The following AFG1L variants were observed in gnomAD, a reference collection of about 807,000 sequenced individuals.
AFG1L encodes AFG1-like ATPase.
In AFG1L, 53 loss-of-function variants were observed where a neutral mutation model predicts 62.2. The observed-to-expected ratio is 0.85, with a 90% CI of 0.68 to 1.07. The LOEUF is 1.07. Ranked by LOEUF, AFG1L falls within the 50% of genes least tolerant of loss-of-function variation. The probability of loss-of-function intolerance (pLI) is 0.00; values close to 1 mark genes in which losing one functional copy is unlikely to be tolerated. For synonymous variants in AFG1L, 228 were observed against 210.3 expected, an observed-to-expected ratio of 1.08 and a Z score of -0.73; for missense variants, 555 against 590.5, an observed-to-expected ratio of 0.94 and a Z score of 0.62.
chr6:108,340,548 A>G lies in AFG1L; in HGVS notation c.364-6440A>G, dbSNP rs1247330762. 3.3e-5 allele frequency among the ~76,000 whole-genome samples: 5 copies of G among 152,172 alleles called. No homozygotes were observed. In the East Asian group the frequency reaches 9.6e-4, roughly 29 times the overall value. ...GCCAGCTAATATTTGTATTTTTAGTAGAGACAGGGTCTCACCATGTTGGTC... is the reference window on the plus strand; with the variant it reads ...GCCAGCTAATATTTGTATTTTTAGTGGAGACAGGGTCTCACCATGTTGGTC... On this transcript the variant is annotated intron_variant, in intron 2 of 12. Coordinates refer to ENST00000368977, the MANE Select transcript of AFG1L (RefSeq NM_145315.5).
chr6:108,417,873 G>A lies in AFG1L; in HGVS notation c.807+15819G>A, dbSNP rs1042109003. 2.0e-5 allele frequency among the ~76,000 whole-genome samples: 3 copies of A among 151,604 alleles called. No individual in the cohort carries two copies. The South Asian group carries it at 6.3e-4, about 32-fold the overall frequency. Reference sequence around the variant, plus strand: ...TTTTGAGATGGAGTCTCACTCTGTCGCCCAGGCTGGAGTGCAGTGGTGCAA... The same window carrying A: ...TTTTGAGATGGAGTCTCACTCTGTCACCCAGGCTGGAGTGCAGTGGTGCAA... On this transcript the variant is annotated intron_variant, in intron 7 of 12. Transcript: ENST00000368977.
At chr6:108,522,089 C>T (rs1392348770) in intron 12 of AFG1L, 4 of 347,042 alleles carry the variant, frequency 1.2e-5, no homozygotes, top group Non-Finnish European at 2.1e-5. Context: ...TAAGTTTTCT[C>T]TCTGATAATT....
intron 1 of AFG1L, among the ~76,000 whole-genome samples, chr6:108,297,345 T>A (rs1776801728): frequency 6.6e-6 from 1 of 151,992 alleles, no homozygotes; most frequent in Non-Finnish European, 1.5e-5. Flanking sequence ...TGACCTCAGG[T>A]GATCCGGAGC....
intron 11 of AFG1L, among the ~76,000 whole-genome samples, chr6:108,513,138 C>G (rs1489550101): frequency 6.6e-6 from 1 of 152,060 alleles, no homozygotes; most frequent in Non-Finnish European, 1.5e-5. Context: ...TATGGTGGAG[C>G]CAAGATGGCC....
intron 1 of AFG1L, among the ~76,000 whole-genome samples, chr6:108,306,944 A>G (rs1000182362): frequency 2.6e-5 from 4 of 151,746 alleles, no homozygotes; most frequent in Admixed American, 2.0e-4. Flanking sequence ...AGTTATTAAA[A>G]CAGGTCTCTC....
At chr6:108,412,975 TGGATA>T (rs1782186018) in intron 7 of AFG1L, among the ~76,000 whole-genome samples, 2 of 152,058 alleles carry the variant, frequency 1.3e-5, no homozygotes, top group African/African-American at 4.8e-5. Context: ...ACTGGCAAAT[TGGATA>T]AAGATTCAAG....
intron 10 of AFG1L, among the ~76,000 whole-genome samples, chr6:108,484,945 A>T (rs1333231401): frequency 6.6e-6 from 1 of 152,142 alleles, no homozygotes; most frequent in East Asian, 1.9e-4. Flanking sequence ...TTTATATCTT[A>T]CTATTTAAAG....
intron 10 of AFG1L, among the ~76,000 whole-genome samples, chr6:108,480,958 A>G (rs1010650329): frequency 4.6e-5 from 7 of 152,182 alleles, no homozygotes; most frequent in African/African-American, 1.4e-4. Context: ...TGAAAACCTT[A>G]GTACGGACCT....
At chr6:108,472,919 C>T (rs1038181942) in intron 8 of AFG1L, among the ~76,000 whole-genome samples, 1 of 151,886 alleles carries the variant, frequency 6.6e-6, no homozygotes, top group Non-Finnish European at 1.5e-5. Context: ...TCTCATGCCT[C>T]AGCCTCCTGA....
At chr6:108,449,229 A>G (rs1184648639) in intron 8 of AFG1L, among the ~76,000 whole-genome samples, 2 of 151,792 alleles carry the variant, frequency 1.3e-5, no homozygotes, top group Non-Finnish European at 2.9e-5. Flanking sequence ...ACACAGACAT[A>G]TAGATATATA....
At chr6:108,348,881 A>G (rs964634048) in intron 3 of AFG1L, among the ~76,000 whole-genome samples, 1 of 152,260 alleles carries the variant, frequency 6.6e-6, no homozygotes, top group African/African-American at 2.4e-5. Flanking sequence ...TTAAAGAAGC[A>G]TAACTGCTTC....
At position 108,379,000 on chromosome 6, in the gene AFG1L, C is replaced by CTT. The variant is rs931030207; in HGVS notation, c.748+12687_748+12688dup. Among the ~76,000 whole-genome samples the CTT allele has an allele frequency of 1.5e-3, 188 of 123,044 alleles. 1 individual carries two copies. Among genetic ancestry groups the CTT allele is most frequent in the African/African-American group, 4.1e-3 (126 of 30,810 alleles). The allele number at this position is 123,044 out of a possible 152,430, so 80.7% of individuals were successfully genotyped here. A position where few individuals can be genotyped will look rare whatever the true frequency, so the allele number is the denominator to read the frequency against. On this transcript the variant is annotated intron_variant, in intron 6 of 12. Coordinates refer to ENST00000368977, the MANE Select transcript of AFG1L (RefSeq NM_145315.5). ...TGCTGCTCTTCTCCTTCTCCTTCTT[C>CTT]TTTTTTTTTTTTTTTTTTTTGGAGA...
At position 108,427,683 on chromosome 6, in the gene AFG1L, G is replaced by A. The variant is rs565469128; in HGVS notation, c.808-19531G>A. On this transcript the variant is annotated intron_variant, in intron 7 of 12. Coordinates refer to ENST00000368977, the MANE Select transcript of AFG1L (RefSeq NM_145315.5). Reference sequence around the variant, plus strand: ...ACTACAGGTGAACGCCACCATACCCGGTTAATTTTTGTATTTTTAGTAGAG... The same window carrying A: ...ACTACAGGTGAACGCCACCATACCCAGTTAATTTTTGTATTTTTAGTAGAG... Among the ~76,000 whole-genome samples, 40 of 151,860 alleles carry A rather than the reference G, an allele frequency of 2.6e-4. 1 individual carries two copies. Among genetic ancestry groups the A allele is most frequent in the Admixed American group, 1.6e-3 (24 of 15,226 alleles).
intron 6 of AFG1L, among the ~76,000 whole-genome samples, chr6:108,399,721 A>T (rs1582518781): frequency 3.2e-5 from 3 of 94,480 alleles, no homozygotes; most frequent in African/African-American, 8.7e-5. Flanking sequence ...TCATGTGCCT[A>T]TAGTCCCAGC....
intron 7 of AFG1L, among the ~76,000 whole-genome samples, chr6:108,430,241 A>G (rs561569780): frequency 6.6e-6 from 1 of 152,306 alleles, no homozygotes; most frequent in African/African-American, 2.4e-5. Flanking sequence ...CACTGTGCCC[A>G]GTCATAAGAT....
intron 11 of AFG1L, among the ~76,000 whole-genome samples, chr6:108,512,614 G>A (rs1774698677): frequency 6.6e-6 from 1 of 152,110 alleles, no homozygotes; most frequent in African/African-American, 2.4e-5. Context: ...GGAGAGACTC[G>A]TTATTTTGAT....
chr6:108,376,555 T>G (rs1780255903), intron 6 of AFG1L, among the ~76,000 whole-genome samples: 1 of 152,192 alleles, frequency 6.6e-6, no homozygotes, highest in African/African-American at 2.4e-5. Flanking sequence ...TTGTTTAATT[T>G]CCATGTAATT....
chr6:108,366,427 A>G (rs527348708), intron 6 of AFG1L, 95 bp downstream of exon 6: 33 of 644,404 alleles, frequency 5.1e-5, no homozygotes, highest in African/African-American at 4.3e-4. Context: ...TTGTGTTAAT[A>G]AATCTGATGA....
intron 1 of AFG1L, among the ~76,000 whole-genome samples, chr6:108,309,816 T>A (rs193171134): frequency 0.013 from 2,026 of 152,210 alleles, 24 homozygotes; most frequent in African/African-American, 0.017. Context: ...AATTAAAAAA[T>A]TTTTATTATA....
Sources: allele counts gnomAD v4.1 joint callset (sites outside exome capture counted in the v4.1 genomes callset), GRCh38; gene constraint gnomAD v4.1.1; transcripts MANE v1.5; gene names NCBI Gene and HGNC (gene_info 2026-07-23, HGNC 2026-07-21).